The following DCLK1 variants were observed in gnomAD, a reference collection of about 807,000 sequenced individuals.
DCLK1 encodes the protein serine/threonine-protein kinase DCLK1.
Under a neutral mutation model 86.2 loss-of-function variants are expected in DCLK1, and 16 were observed. That is an observed-to-expected ratio of 0.19 (90% CI 0.13 to 0.28). The LOEUF (loss-of-function observed/expected upper bound fraction) is 0.28, where lower values mean the gene tolerates loss of function less well. Ranked by LOEUF, DCLK1 falls within the 10% of genes least tolerant of loss-of-function variation. The probability of loss-of-function intolerance (pLI) is 1.00; values close to 1 mark genes in which losing one functional copy is unlikely to be tolerated. For missense variants in DCLK1, 590 were observed against 940.2 expected (o/e 0.63, Z 4.87); for synonymous variants, 369 against 370.5 (o/e 1.00, Z 0.05).
chr13:35,954,220 TAA>T (rs975005648), intron 3 of DCLK1, among the ~76,000 whole-genome samples: 80 of 151,676 alleles, frequency 5.3e-4, no homozygotes, highest in African/African-American at 1.8e-3. Flanking sequence ...GCTTTTTTTT[TAA>T]AAAAAAATCT....
At chr13:35,870,973 C>A (rs758074726) in intron 5 of DCLK1, among the ~76,000 whole-genome samples, 28 of 152,222 alleles carry the variant, frequency 1.8e-4, no homozygotes, top group Non-Finnish European at 3.1e-4. Flanking sequence ...AAGATGATAA[C>A]GTTCTTCTAT....
intron 3 of DCLK1, among the ~76,000 whole-genome samples, chr13:36,044,716 G>A (rs74044333): frequency 0.03 from 4,542 of 152,112 alleles, 236 homozygotes; most frequent in African/African-American, 0.1. Flanking sequence ...CTAAAAATTC[G>A]TGATATGGAT....
intron 4 of DCLK1, among the ~76,000 whole-genome samples, chr13:35,899,463 A>T (rs2153121801): frequency 6.6e-6 from 1 of 152,282 alleles, no homozygotes; most frequent in South Asian, 2.1e-4. Context: ...GACACTGATT[A>T]CAAGAACTAG....
At chr13:36,069,054 T>G (rs1883869146) in intron 3 of DCLK1, among the ~76,000 whole-genome samples, 1 of 152,236 alleles carries the variant, frequency 6.6e-6, no homozygotes, top group Non-Finnish European at 1.5e-5. Flanking sequence ...CACATCACAT[T>G]ATAGCAATTT....
At position 35,925,700 on chromosome 13, in the gene DCLK1, T is replaced by C. The variant is rs1298546878; in HGVS notation, c.823+21658A>G. Among the ~76,000 whole-genome samples, 11 of 152,228 alleles carry C rather than the reference T, an allele frequency of 7.2e-5. 1 individual carries two copies. The East Asian group carries it at 2.1e-3, about 29-fold the overall frequency. On this transcript the variant is annotated intron_variant, in intron 4 of 16. Transcript: ENST00000360631. ...TTATCTTTGAGTCAAGAACTACCTT[T>C]TGTGTGTTTGGTTGTTGTTTTTATT...
At chr13:36,083,102 A>ATGTGCCC (rs1884477752) in intron 3 of DCLK1, among the ~76,000 whole-genome samples, 1 of 152,078 alleles carries the variant, frequency 6.6e-6, no homozygotes, top group African/African-American at 2.4e-5. Context: ...GCTATTTAAA[A>ATGTGCCC]AGTCCTTAGG....
At chr13:35,854,633 G>T in intron 5 of DCLK1, 40 bp from the exon 6 acceptor site, 1 of 1,481,388 alleles carries the variant, frequency 6.8e-7, no homozygotes. Context: ...AAAATGGCAC[G>T]TTAAATAATT....
chr13:35,939,721 CTG>C (rs1210545927), intron 4 of DCLK1, among the ~76,000 whole-genome samples: 1 of 152,176 alleles, frequency 6.6e-6, no homozygotes, highest in Non-Finnish European at 1.5e-5. Flanking sequence ...AAAATAAAAA[CTG>C]TATATTCCTA....
At chr13:36,084,994 C>T (rs973593175) in intron 3 of DCLK1, among the ~76,000 whole-genome samples, 1 of 152,116 alleles carries the variant, frequency 6.6e-6, no homozygotes, top group South Asian at 2.1e-4. Context: ...TTTCTCATTA[C>T]CACCATGTGG....
chr13:36,108,110 A>C (rs1265194953), intron 3 of DCLK1, among the ~76,000 whole-genome samples: 3 of 151,846 alleles, frequency 2.0e-5, no homozygotes, highest in African/African-American at 7.3e-5. Flanking sequence ...AAATTAAGGC[A>C]TGGTAAGTGC....
At chr13:36,046,556 G>A (rs1345265045) in intron 3 of DCLK1, among the ~76,000 whole-genome samples, 2 of 152,220 alleles carry the variant, frequency 1.3e-5, no homozygotes, top group Non-Finnish European at 2.9e-5. Context: ...GAGCACAGGA[G>A]GAATAGGTAA....
At chr13:36,130,814 A>G (rs1475955968) in intron 1 of DCLK1, among the ~76,000 whole-genome samples, 1 of 152,054 alleles carries the variant, frequency 6.6e-6, no homozygotes, top group Admixed American at 6.5e-5. Context: ...ATCTCCACTA[A>G]CAACGCGAAA....
At chr13:35,917,888 C>T (rs1256331504) in intron 4 of DCLK1, among the ~76,000 whole-genome samples, 1 of 152,140 alleles carries the variant, frequency 6.6e-6, no homozygotes, top group Non-Finnish European at 1.5e-5. Flanking sequence ...GCCTGACACA[C>T]ATTTCAGAAT....
intron 3 of DCLK1, among the ~76,000 whole-genome samples, chr13:35,997,071 T>C (rs908027019): frequency 2.6e-5 from 4 of 152,208 alleles, no homozygotes; most frequent in Non-Finnish European, 5.9e-5. Context: ...GAAGGTAGGA[T>C]GGAAAAAGCC....
intron 11 of DCLK1, among the ~76,000 whole-genome samples, chr13:35,817,388 C>A (rs2087292843): frequency 6.6e-6 from 1 of 151,854 alleles, no homozygotes; most frequent in African/African-American, 2.4e-5. Flanking sequence ...TTTTTCTAAA[C>A]ACCCCCAAAA....
chr13:35,863,234 C>T (rs12427459), intron 5 of DCLK1, among the ~76,000 whole-genome samples: 61,952 of 152,062 alleles, frequency 0.41, 12,816 homozygotes, highest in Admixed American at 0.47. Context: ...TCCCCATCAT[C>T]AAGCAACACA....
In DCLK1 at chr13:35,823,971, G is replaced by GT. The variant is rs543056642; in HGVS notation, c.1408-1097dup. On this transcript the variant is annotated intron_variant, in intron 10 of 16. Transcript: ENST00000360631. The stretch of plus-strand genomic sequence containing the variant: ...CAAATTTTTTTTTTCAAAGCAAATA[G>GT]TTTTTTCAACTTTCTGCTTCTCTCA... Among the ~76,000 whole-genome samples, 1,521 of 152,146 alleles carry GT rather than the reference G, an allele frequency of 1.0e-2. 17 individuals carry two copies. Among genetic ancestry groups the GT allele is most frequent in the Non-Finnish European group, 0.013 (903 of 67,992 alleles).
intron 10 of DCLK1, among the ~76,000 whole-genome samples, chr13:35,823,638 C>T (rs917387440): frequency 1.3e-5 from 2 of 152,132 alleles, no homozygotes; most frequent in Non-Finnish European, 2.9e-5. Context: ...TAAGTTCCAA[C>T]CTAAGTTCCA....
intron 3 of DCLK1, among the ~76,000 whole-genome samples, chr13:36,056,906 A>AAAAAAAAT (rs4054844): frequency 2.3e-5 from 3 of 130,172 alleles, no homozygotes; most frequent in South Asian, 2.5e-4. Context: ...AAAAAAAAAA[A>AAAAAAAAT]ATATATATAT....
Sources: gnomAD v4.1 joint callset for allele counts (sites outside exome capture counted in the v4.1 genomes callset) on GRCh38, gnomAD v4.1.1 for gene constraint, MANE v1.5 for transcripts, NCBI Gene and HGNC (gene_info 2026-07-23, HGNC 2026-07-21) for gene names.